Variants in ELFN2 observed in about 807,000 individuals in gnomAD.
The protein encoded by ELFN2 is protein phosphatase 1 regulatory subunit 29.
ELFN2 carries 17 observed loss-of-function variants against 45.5 expected under a neutral mutation model. The observed-to-expected ratio is 0.37, with a 90% CI of 0.26 to 0.56. The LOEUF (loss-of-function observed/expected upper bound fraction) is 0.56, where lower values mean the gene tolerates loss of function less well. Among genes scored for constraint, ELFN2 ranks in the 20% least tolerant of loss-of-function variants. ELFN2 has a pLI of 0.77. For missense variants in ELFN2, 922 were observed against 1,183.2 expected (o/e 0.78, Z 3.24); for synonymous variants, 550 against 551.5 (o/e 1.00, Z 0.04).
intron 1 of ELFN2, among the ~76,000 whole-genome samples, chr22:37,418,658 G>A (rs1017070326): frequency 2.0e-5 from 3 of 148,468 alleles, no homozygotes; most frequent in African/African-American, 7.5e-5. Context: ...TTGGTCACTC[G>A]GATCACCAAC....
At chr22:37,398,174 G>A (rs1370633507) in intron 2 of ELFN2, among the ~76,000 whole-genome samples, 1 of 152,192 alleles carries the variant, frequency 6.6e-6, no homozygotes. Flanking sequence ...CCAGAGCCAG[G>A]CAGCTGTGGG....
At chr22:37,393,726 G>A (rs1037963889) in intron 2 of ELFN2, among the ~76,000 whole-genome samples, 2 of 152,066 alleles carry the variant, frequency 1.3e-5, no homozygotes, top group South Asian at 2.1e-4. Context: ...TCGCTGACTC[G>A]GGGTCCCCAG....
intron 1 of ELFN2, among the ~76,000 whole-genome samples, chr22:37,356,161 TCAA>T (rs1057485420): frequency 6.6e-6 from 1 of 151,870 alleles, no homozygotes; most frequent in Non-Finnish European, 1.5e-5. Flanking sequence ...GAGGGGGCGG[TCAA>T]CTTCTCTAGG....
intron 2 of ELFN2, chr22:37,384,951 C>T (rs1931906082): frequency 6.6e-6 from 1 of 152,112 alleles, no homozygotes; most frequent in South Asian, 2.1e-4. Context: ...TATGGAGCAC[C>T]TACTATGTAC....
chr22:37,374,035 G>A lies in ELFN2; in HGVS notation c.1500C>T (p.Gly500=), dbSNP rs1931478395. ...GLDTPKVATK[G]NYIEVRTGAG... ...CGCCTGTGCGCACCTCGATATAGTT[G>A]CCTTTGGTGGCTACCTTGGGTGTGT... Residue 500 remains glycine, a synonymous_variant, in exon 3 of 3, where the codon GGC becomes GGT. Transcript: ENST00000402918. The A allele has an allele frequency of 6.2e-7, 1 of 1,613,072 alleles. No individual in the cohort carries two copies. Among genetic ancestry groups the A allele is most frequent in the African/African-American group, 1.3e-5 (1 of 74,950 alleles).
intron 2 of ELFN2, among the ~76,000 whole-genome samples, chr22:37,384,438 G>A (rs928795032): frequency 1.3e-5 from 2 of 150,850 alleles, no homozygotes; most frequent in Non-Finnish European, 3.0e-5. Flanking sequence ...TCCCCAACCT[G>A]GCCTTTACCT....
intron 2 of ELFN2, among the ~76,000 whole-genome samples, chr22:37,386,696 A>T (rs1327704662): frequency 1.3e-5 from 2 of 152,014 alleles, no homozygotes; most frequent in African/African-American, 4.8e-5. Context: ...AGCCCCGGAA[A>T]CTCCCCGGGG....
chr22:37,392,474 C>A (rs1932109044), intron 2 of ELFN2, among the ~76,000 whole-genome samples: 1 of 152,068 alleles, frequency 6.6e-6, no homozygotes, highest in African/African-American at 2.4e-5. Flanking sequence ...CCCGCCACCA[C>A]ACCCAGCTAA....
At position 37,377,858 on chromosome 22, in the gene ELFN2, C is replaced by A. The variant is rs917481422; in HGVS notation, c.-462-1862G>T. On this transcript the variant is annotated intron_variant, in intron 2 of 2. Transcript: ENST00000402918. ...GGTCTCAGGGCTGCAGAGACCTTGG[C>A]CCCCGTCCAGCACGGCCACTGGCTC... is the stretch of plus-strand genomic sequence containing the variant. Among the ~76,000 whole-genome samples, 3 of 152,292 alleles carry A rather than the reference C, an allele frequency of 2.0e-5. No individual in the cohort carries two copies. The East Asian group carries it at 5.8e-4, about 29-fold the overall frequency.
intron 1 of ELFN2, among the ~76,000 whole-genome samples, chr22:37,349,553 A>G (rs1930777403): frequency 6.6e-6 from 1 of 150,696 alleles, no homozygotes; most frequent in Non-Finnish European, 1.5e-5. Flanking sequence ...CAGCACGGGG[A>G]CCCCCTTTGC....
intron 1 of ELFN2, among the ~76,000 whole-genome samples, chr22:37,355,866 T>G (rs1930936486): frequency 6.6e-6 from 1 of 152,206 alleles, no homozygotes; most frequent in Admixed American, 6.5e-5. Flanking sequence ...TTCTACCTAT[T>G]TGCCAGCAAA....
chr22:37,368,048 T>C lies in ELFN2; in HGVS notation c.*5024A>G, dbSNP rs1354048431. The C allele has an allele frequency of 6.6e-6, 1 of 152,486 alleles. No individual in the cohort carries two copies. Among genetic ancestry groups the C allele is most frequent in the African/African-American group, 2.4e-5 (1 of 41,416 alleles). 9.4% of individuals were successfully genotyped at this position (152,486 alleles called of 1,614,324 possible). A position where few individuals can be genotyped will look rare whatever the true frequency, so the allele number is the denominator to read the frequency against. ...AGTTGAGGAAAACAATTTCGTGCCA[T>C]TCAGTTTTAAAACAGGAAATTGAGG... On this transcript the variant is annotated 3_prime_UTR_variant, in exon 3 of 3. Coordinates refer to ENST00000402918, the MANE Select transcript of ELFN2 (RefSeq NM_052906.5).
chr22:37,358,491 G>T (rs1931002938), intron 1 of ELFN2, among the ~76,000 whole-genome samples: 1 of 152,212 alleles, frequency 6.6e-6, no homozygotes, highest in Admixed American at 6.5e-5. Flanking sequence ...GAGGGCCCTA[G>T]TGTTTCCTAA....
At chr22:37,407,612 C>G (rs574286402) in intron 2 of ELFN2, among the ~76,000 whole-genome samples, 2 of 152,086 alleles carry the variant, frequency 1.3e-5, no homozygotes, top group Non-Finnish European at 2.9e-5. Flanking sequence ...ACGCCCCACC[C>G]GGCGGCCAGG....
chr22:37,358,803 C>T (rs1569127614), intron 1 of ELFN2, among the ~76,000 whole-genome samples: 1 of 152,174 alleles, frequency 6.6e-6, no homozygotes, highest in Non-Finnish European at 1.5e-5. Context: ...GGTGGTGTGG[C>T]TTGCACCCCA....
intron 2 of ELFN2, among the ~76,000 whole-genome samples, chr22:37,412,923 G>T (rs879487398): frequency 1.3e-5 from 2 of 152,122 alleles, no homozygotes; most frequent in African/African-American, 4.8e-5. Context: ...CCCTAACCAC[G>T]CTCCCCACTT....
intron 2 of ELFN2, among the ~76,000 whole-genome samples, chr22:37,382,110 G>A (rs139881081): frequency 2.4e-4 from 37 of 152,138 alleles, no homozygotes; most frequent in Admixed American, 9.2e-4. Flanking sequence ...CATTTTACAG[G>A]CAAGGAACTG....
intron 1 of ELFN2, among the ~76,000 whole-genome samples, chr22:37,357,437 G>A (rs1017790294): frequency 3.9e-5 from 6 of 152,154 alleles, no homozygotes; most frequent in Admixed American, 3.3e-4. Context: ...AGGTTTCTTC[G>A]CCATTTTTAT....
chr22:37,385,245 T>C (rs1027045830), intron 2 of ELFN2: 2 of 152,250 alleles, frequency 1.3e-5, no homozygotes, highest in Non-Finnish European at 2.9e-5. Flanking sequence ...ACTCATTTAA[T>C]CCTGAGCCAA....
Sources: allele counts gnomAD v4.1 joint callset (sites outside exome capture counted in the v4.1 genomes callset), GRCh38; gene constraint gnomAD v4.1.1; transcripts MANE v1.5; gene names NCBI Gene and HGNC (gene_info 2026-07-23, HGNC 2026-07-21).